Variants in HS6ST3 observed in about 807,000 individuals in gnomAD.
The protein encoded by HS6ST3 is heparan sulfate 6-O-sulfotransferase 3.
HS6ST3 carries 12 observed loss-of-function variants against 36.7 expected under a neutral mutation model. The ratio of observed to expected loss-of-function variants is 0.33; its 90% confidence interval spans 0.21 to 0.53. The LOEUF (loss-of-function observed/expected upper bound fraction) is 0.53. Among genes scored for constraint, HS6ST3 ranks in the 20% least tolerant of loss-of-function variants. The pLI, the probability that HS6ST3 is intolerant of heterozygous loss-of-function variation, is 0.95. For synonymous variants in HS6ST3, 240 were observed against 257.5 expected (o/e 0.93, Z 0.65); for missense variants, 584 against 640.9 (o/e 0.91, Z 0.96).
At chr13:96,376,584 C>A (rs772121345) in intron 1 of HS6ST3, among the ~76,000 whole-genome samples, 1 of 152,086 alleles carries the variant, frequency 6.6e-6, no homozygotes, top group Non-Finnish European at 1.5e-5. Context: ...GGGATTGAAT[C>A]CTTGATCTAC....
At chr13:96,348,252 G>C (rs1193774506) in intron 1 of HS6ST3, among the ~76,000 whole-genome samples, 1 of 152,220 alleles carries the variant, frequency 6.6e-6, no homozygotes, top group Non-Finnish European at 1.5e-5. Context: ...GATTCTGCAA[G>C]AGTGAAGGCC....
chr13:96,690,181 G>A (rs1278225370), intron 1 of HS6ST3, among the ~76,000 whole-genome samples: 1 of 152,020 alleles, frequency 6.6e-6, no homozygotes, highest in East Asian at 1.9e-4. Flanking sequence ...TGAATGAAAT[G>A]AAATAGAAAC....
Position 96,239,901 on chromosome 13 carries a change from T to G in HS6ST3, c.707+148332T>G, listed in dbSNP as rs2054552168. 3.9e-5 allele frequency among the ~76,000 whole-genome samples: 6 copies of G among 152,182 alleles called. No homozygotes were observed. The South Asian group carries it at 1.2e-3, about 32-fold the overall frequency. ...GTGTCCACTCAAGAGAGCTGGCTTT[T>G]TCCTTAATAGCATCTTTAATGCAAT... is the stretch of plus-strand genomic sequence containing the variant. On this transcript the variant is annotated intron_variant, in intron 1 of 1. Coordinates refer to ENST00000376705, the MANE Select transcript of HS6ST3 (RefSeq NM_153456.4).
chr13:96,393,424 G>A (rs2055406130), intron 1 of HS6ST3, among the ~76,000 whole-genome samples: 2 of 152,126 alleles, frequency 1.3e-5, no homozygotes, highest in African/African-American at 4.8e-5. Context: ...AAAGTGAATG[G>A]TTTAAATAAA....
intron 1 of HS6ST3, among the ~76,000 whole-genome samples, chr13:96,456,903 C>G (rs1037242059): frequency 1.2e-4 from 18 of 152,050 alleles, no homozygotes; most frequent in Non-Finnish European, 2.9e-5. Flanking sequence ...AAAATATAGT[C>G]ATTATGCATA....
At chr13:96,568,485 C>A (rs1381457376) in intron 1 of HS6ST3, among the ~76,000 whole-genome samples, 2 of 152,110 alleles carry the variant, frequency 1.3e-5, no homozygotes, top group African/African-American at 4.8e-5. Context: ...CAGGCTGGTC[C>A]TGACCTCGTG....
intron 1 of HS6ST3, among the ~76,000 whole-genome samples, chr13:96,616,899 GAC>G (rs111401760): frequency 0.047 from 7,136 of 152,194 alleles, 471 homozygotes; most frequent in African/African-American, 0.15. Context: ...TCCAACAAAG[GAC>G]ACAAACACAC....
At chr13:96,702,348 C>T (rs1299356049) in intron 1 of HS6ST3, among the ~76,000 whole-genome samples, 3 of 152,212 alleles carry the variant, frequency 2.0e-5, no homozygotes, top group South Asian at 2.1e-4. Flanking sequence ...GGGCCTTTCA[C>T]GCAAACCATT....
chr13:96,163,063 A>G (rs2054143528), intron 1 of HS6ST3, among the ~76,000 whole-genome samples: 1 of 152,122 alleles, frequency 6.6e-6, no homozygotes, highest in Non-Finnish European at 1.5e-5. Context: ...TGGAATGATC[A>G]TAGCTGCGAA....
At chr13:96,275,531 G>T (rs1056969863) in intron 1 of HS6ST3, among the ~76,000 whole-genome samples, 3 of 151,998 alleles carry the variant, frequency 2.0e-5, no homozygotes, top group Non-Finnish European at 2.9e-5. Context: ...CATTTCTATA[G>T]AAATTTCTAA....
In HS6ST3 at chr13:96,090,794, C is replaced by A. The variant is rs982418691; in HGVS notation, c.-69C>A. On this transcript the variant is annotated 5_prime_UTR_variant, in exon 1 of 2. Transcript: ENST00000376705. ...CGCGCCCCGGAGTCCGCGAAACTTC[C>A]GAGCGGGCGCCCGTCCGCCCTGCCG... 134 of 1,329,000 alleles carry A rather than the reference C, an allele frequency of 1.0e-4. No homozygotes were observed. In the African/African-American group the frequency reaches 1.2e-3, roughly 12 times the overall value. 82.3% of individuals were successfully genotyped at this position (1,329,000 alleles called of 1,614,324 possible).
Position 96,751,808 on chromosome 13 carries a change from A to G in HS6ST3, c.708-80682A>G, listed in dbSNP as rs563668991. Among the ~76,000 whole-genome samples, 33 of 151,112 alleles carry G rather than the reference A, an allele frequency of 2.2e-4. 1 individual carries two copies. In the South Asian group the frequency reaches 6.0e-3, roughly 28 times the overall value. ...CATATATACATATGTGTGTATGTGT[A>G]TATATATATACACATATGTACACAC... On this transcript the variant is annotated intron_variant, in intron 1 of 1. Coordinates refer to ENST00000376705, the MANE Select transcript of HS6ST3 (RefSeq NM_153456.4).
intron 1 of HS6ST3, among the ~76,000 whole-genome samples, chr13:96,210,439 T>C (rs1333788111): frequency 2.0e-5 from 3 of 152,202 alleles, no homozygotes; most frequent in African/African-American, 7.2e-5. Flanking sequence ...CCTGGGTCTC[T>C]AGGGTATTCA....
intron 1 of HS6ST3, among the ~76,000 whole-genome samples, chr13:96,105,666 AT>A (rs2053838287): frequency 6.6e-6 from 1 of 152,198 alleles, no homozygotes; most frequent in Admixed American, 6.5e-5. Flanking sequence ...AAAAATAAAA[AT>A]AAAAAAGTAA....
intron 1 of HS6ST3, among the ~76,000 whole-genome samples, chr13:96,800,496 G>A (rs970430079): frequency 2.6e-5 from 4 of 151,876 alleles, no homozygotes; most frequent in Admixed American, 1.3e-4. Context: ...CTCTCCTTTC[G>A]CAGAATTCTG....
intron 1 of HS6ST3, among the ~76,000 whole-genome samples, chr13:96,693,823 A>AC (rs1875045885): frequency 6.6e-6 from 1 of 152,188 alleles, no homozygotes; most frequent in African/African-American, 2.4e-5. Flanking sequence ...GTAGAGAGAC[A>AC]GAAACAGAGA....
intron 1 of HS6ST3, among the ~76,000 whole-genome samples, chr13:96,510,284 T>C (rs1263568038): frequency 6.6e-6 from 1 of 152,104 alleles, no homozygotes; most frequent in Non-Finnish European, 1.5e-5. Context: ...TAGGAGTCTT[T>C]AGGATTTTCT....
chr13:96,510,355 C>A (rs563748104), intron 1 of HS6ST3, among the ~76,000 whole-genome samples: 4 of 152,146 alleles, frequency 2.6e-5, no homozygotes, highest in Non-Finnish European at 5.9e-5. Flanking sequence ...AATTTGGATG[C>A]TTTTTATTTC....
At position 96,250,551 on chromosome 13, in the gene HS6ST3, A is replaced by AGAATTCTCCTCTC. The variant is rs374436713; in HGVS notation, c.707+158983_707+158995dup. Among the ~76,000 whole-genome samples the AGAATTCTCCTCTC allele has an allele frequency of 7.1e-4, 108 of 152,320 alleles. 2 individuals carry two copies. Among genetic ancestry groups the AGAATTCTCCTCTC allele is most frequent in the African/African-American group, 2.5e-3 (104 of 41,582 alleles). On this transcript the variant is annotated intron_variant, in intron 1 of 1. Coordinates refer to ENST00000376705, the MANE Select transcript of HS6ST3 (RefSeq NM_153456.4). Reference sequence around the variant, plus strand: ...CAACAGAAGCTGGAAAAGGCAAGCAAGAATTCTCCTCTCAGAGTCTTCAGA... The same window carrying AGAATTCTCCTCTC: ...CAACAGAAGCTGGAAAAGGCAAGCAAGAATTCTCCTCTCGAATTCTCCTCTCAGAGTCTTCAGA...
Sources: allele counts gnomAD v4.1 joint callset (sites outside exome capture counted in the v4.1 genomes callset), GRCh38; gene constraint gnomAD v4.1.1; transcripts MANE v1.5; gene names NCBI Gene and HGNC (gene_info 2026-07-23, HGNC 2026-07-21).